Variants in KCNIP4 observed in about 807,000 individuals in gnomAD.
KCNIP4 encodes Kv channel-interacting protein 4.
KCNIP4 carries 12 observed loss-of-function variants against 34.0 expected under a neutral mutation model. The ratio of observed to expected loss-of-function variants is 0.35; its 90% confidence interval spans 0.23 to 0.57. The LOEUF (loss-of-function observed/expected upper bound fraction) is 0.57, where lower values mean the gene tolerates loss of function less well. KCNIP4 is among the 20% of genes least tolerant of loss of function. KCNIP4 has a pLI of 0.83. For missense variants in KCNIP4, 238 were observed against 311.7 expected (o/e 0.76, Z 1.78); for synonymous variants, 124 against 102.2 (o/e 1.21, Z -1.29).
At chr4:21,353,435 G>C (rs149848814) in intron 1 of KCNIP4, among the ~76,000 whole-genome samples, 3,450 of 152,288 alleles carry the variant, frequency 0.023, 55 homozygotes, top group Non-Finnish European at 0.034. Context: ...AGACTAAACA[G>C]TGTAGAGAAG....
intron 1 of KCNIP4, among the ~76,000 whole-genome samples, chr4:20,935,279 T>G (rs1301258032): frequency 6.6e-6 from 1 of 152,146 alleles, no homozygotes; most frequent in African/African-American, 2.4e-5. Flanking sequence ...AGGAAGTCAG[T>G]GGGGTATCTC....
intron 1 of KCNIP4, among the ~76,000 whole-genome samples, chr4:21,712,480 G>A (rs1713809472): frequency 6.6e-6 from 1 of 152,156 alleles, no homozygotes; most frequent in Non-Finnish European, 1.5e-5. Context: ...CTTTGGCAAA[G>A]GGCTGCTTAT....
intron 1 of KCNIP4, among the ~76,000 whole-genome samples, chr4:21,387,298 T>C (rs1281883606): frequency 6.6e-6 from 1 of 152,162 alleles, no homozygotes; most frequent in African/African-American, 2.4e-5. Flanking sequence ...ATGATCAGTT[T>C]GACATTTTAA....
At chr4:21,118,154 T>G (rs1033942861) in intron 1 of KCNIP4, among the ~76,000 whole-genome samples, 4 of 152,108 alleles carry the variant, frequency 2.6e-5, no homozygotes, top group African/African-American at 9.7e-5. Context: ...CACCACCTTA[T>G]CAACTAGTTC....
chr4:21,588,623 C>G (rs1458596276), intron 1 of KCNIP4, among the ~76,000 whole-genome samples: 1 of 151,762 alleles, frequency 6.6e-6, no homozygotes, highest in Non-Finnish European at 1.5e-5. Context: ...GCTGTGATCC[C>G]AAACCCTACT....
intron 1 of KCNIP4, among the ~76,000 whole-genome samples, chr4:21,276,275 G>C (rs1762430096): frequency 6.6e-6 from 1 of 151,978 alleles, no homozygotes; most frequent in Non-Finnish European, 1.5e-5. Context: ...CTAGCCTCCA[G>C]AACTGTGAGA....
At chr4:21,360,546 C>A (rs1161756599) in intron 1 of KCNIP4, among the ~76,000 whole-genome samples, 1 of 151,826 alleles carries the variant, frequency 6.6e-6, no homozygotes, top group African/African-American at 2.4e-5. Flanking sequence ...GTATTCCTAG[C>A]CAGTGTGTCA....
At chr4:21,599,427 C>T (rs566724215) in intron 1 of KCNIP4, among the ~76,000 whole-genome samples, 1 of 150,402 alleles carries the variant, frequency 6.6e-6, no homozygotes, top group Non-Finnish European at 1.5e-5. Flanking sequence ...CACAACTTTC[C>T]CCTCAAAATG....
chr4:20,821,084 A>G (rs577719659), intron 3 of KCNIP4, among the ~76,000 whole-genome samples: 1 of 152,268 alleles, frequency 6.6e-6, no homozygotes, highest in Admixed American at 6.5e-5. Flanking sequence ...TGATAGAGCT[A>G]TGGAGTATTC....
chr4:20,958,109 C>A (rs1286794697), intron 1 of KCNIP4, among the ~76,000 whole-genome samples: 1 of 152,154 alleles, frequency 6.6e-6, no homozygotes, highest in East Asian at 1.9e-4. Flanking sequence ...CTCTTGTTTC[C>A]TTAGTAACCT....
intron 1 of KCNIP4, among the ~76,000 whole-genome samples, chr4:21,798,708 T>C (rs1720800949): frequency 6.6e-6 from 1 of 151,988 alleles, no homozygotes; most frequent in Non-Finnish European, 1.5e-5. Context: ...ATATCTACTT[T>C]CAATGCTAGA....
chr4:21,838,386 T>A (rs1408869626), intron 1 of KCNIP4, among the ~76,000 whole-genome samples: 1 of 152,180 alleles, frequency 6.6e-6, no homozygotes, highest in African/African-American at 2.4e-5. Flanking sequence ...TTCCTAATGT[T>A]CTTCGTGGAC....
At chr4:20,970,545 T>C (rs947883685) in intron 1 of KCNIP4, among the ~76,000 whole-genome samples, 1 of 152,114 alleles carries the variant, frequency 6.6e-6, no homozygotes, top group African/African-American at 2.4e-5. Flanking sequence ...CCACTGGACA[T>C]TTGGCAGTGC....
intron 1 of KCNIP4, among the ~76,000 whole-genome samples, chr4:21,229,570 A>G (rs1758650745): frequency 6.6e-6 from 1 of 152,176 alleles, no homozygotes; most frequent in Admixed American, 6.6e-5. Flanking sequence ...ATCTATTGGG[A>G]GAAATCGGAT....
intron 1 of KCNIP4, among the ~76,000 whole-genome samples, chr4:21,181,897 A>G (rs1392245461): frequency 6.6e-6 from 1 of 152,160 alleles, no homozygotes; most frequent in Non-Finnish European, 1.5e-5. Flanking sequence ...CACTGGTACA[A>G]TAGTGCCCTT....
At chr4:21,940,934 C>T (rs768993229) in intron 1 of KCNIP4, among the ~76,000 whole-genome samples, 1 of 151,994 alleles carries the variant, frequency 6.6e-6, no homozygotes, top group Non-Finnish European at 1.5e-5. Context: ...TGGAGTACAA[C>T]CCTGTATCTT....
At chr4:21,426,648 T>A (rs960889353) in intron 1 of KCNIP4, among the ~76,000 whole-genome samples, 8 of 152,120 alleles carry the variant, frequency 5.3e-5, no homozygotes, top group Admixed American at 2.0e-4. Context: ...AGAGGATAAA[T>A]CAACATTAAA....
chr4:21,365,712 C>T (rs1719705742), intron 1 of KCNIP4, among the ~76,000 whole-genome samples: 1 of 151,962 alleles, frequency 6.6e-6, no homozygotes, highest in Admixed American at 6.6e-5. Context: ...TTAACCTTGG[C>T]AGCAAAAATT....
chr4:20,763,528 AT>A (rs1755120429), intron 3 of KCNIP4, among the ~76,000 whole-genome samples: 1 of 152,108 alleles, frequency 6.6e-6, no homozygotes, highest in African/African-American at 2.4e-5. Flanking sequence ...CATCATTTCT[AT>A]TCTCATTTTT....
Sources: gnomAD v4.1 joint callset for allele counts (sites outside exome capture counted in the v4.1 genomes callset) on GRCh38, gnomAD v4.1.1 for gene constraint, MANE v1.5 for transcripts, NCBI Gene and HGNC (gene_info 2026-07-23, HGNC 2026-07-21) for gene names.